The following CHRM3 variants were observed in gnomAD, a reference collection of about 807,000 sequenced individuals.
CHRM3 encodes muscarinic acetylcholine receptor M3.
A neutral mutation model predicts 41.8 loss-of-function variants in CHRM3; 11 were observed. The observed-to-expected ratio is 0.26, with a 90% CI of 0.17 to 0.44. The LOEUF (loss-of-function observed/expected upper bound fraction) is 0.44. Ranked by LOEUF, CHRM3 falls within the 20% of genes least tolerant of loss-of-function variation. The pLI is 1.00. For synonymous variants in CHRM3, 297 were observed against 301.4 expected, an observed-to-expected ratio of 0.99 and a Z score of 0.15; for missense variants, 571 against 745.4, an observed-to-expected ratio of 0.77 and a Z score of 2.72.
intron 1 of CHRM3, among the ~76,000 whole-genome samples, chr1:239,450,559 C>T (rs1039832749): frequency 2.6e-5 from 4 of 152,092 alleles, no homozygotes; most frequent in African/African-American, 9.7e-5. Context: ...ATTGGGGCTG[C>T]TTAAAATATT....
intron 1 of CHRM3, among the ~76,000 whole-genome samples, chr1:239,446,153 T>C (rs565398480): frequency 1.3e-5 from 2 of 152,316 alleles, no homozygotes; most frequent in South Asian, 2.1e-4. Context: ...GCCAGGATGG[T>C]CTTGATCTCC....
chr1:239,476,188 G>A (rs1251685357), intron 1 of CHRM3, among the ~76,000 whole-genome samples: 2 of 152,040 alleles, frequency 1.3e-5, no homozygotes, highest in Non-Finnish European at 1.5e-5. Context: ...TGGTCTGGCC[G>A]GGCACGGTGG....
intron 6 of CHRM3, among the ~76,000 whole-genome samples, chr1:239,874,658 A>G (rs187984555): frequency 0.013 from 2,046 of 151,696 alleles, 53 homozygotes; most frequent in African/African-American, 0.047. Context: ...TCAGTCTGTT[A>G]CCAGGTTGGT....
intron 5 of CHRM3, among the ~76,000 whole-genome samples, chr1:239,717,593 T>A (rs1662512496): frequency 6.6e-6 from 1 of 152,014 alleles, no homozygotes; most frequent in African/African-American, 2.4e-5. Context: ...AGCAATAACC[T>A]ATGTGGTAAA....
chr1:239,434,535 T>G (rs1053829339), intron 1 of CHRM3, among the ~76,000 whole-genome samples: 5 of 152,204 alleles, frequency 3.3e-5, no homozygotes, highest in African/African-American at 1.2e-4. Flanking sequence ...ATAACCGTGT[T>G]GGTTTCTTTA....
intron 4 of CHRM3, among the ~76,000 whole-genome samples, chr1:239,665,878 C>T (rs749919312): frequency 5.9e-5 from 9 of 152,218 alleles, no homozygotes; most frequent in Non-Finnish European, 7.4e-5. Context: ...TAGTATTACA[C>T]GGTGTATATG....
intron 3 of CHRM3, among the ~76,000 whole-genome samples, chr1:239,583,440 A>C (rs1460624234): frequency 1.3e-5 from 2 of 152,178 alleles, no homozygotes; most frequent in African/African-American, 4.8e-5. Flanking sequence ...TAGACGTGAG[A>C]GCTATAAGGC....
intron 4 of CHRM3, among the ~76,000 whole-genome samples, chr1:239,640,300 C>A (rs1015126471): frequency 7.9e-5 from 12 of 152,164 alleles, no homozygotes; most frequent in Non-Finnish European, 1.5e-4. Flanking sequence ...AGGGAGGATT[C>A]TCTCTTTTTC....
At chr1:239,470,480 C>T (rs1666038586) in intron 1 of CHRM3, among the ~76,000 whole-genome samples, 1 of 152,152 alleles carries the variant, frequency 6.6e-6, no homozygotes, top group Non-Finnish European at 1.5e-5. Context: ...ACCGTGTGGG[C>T]CTTGGATCTG....
rs1662054097 is a variant in CHRM3, at chr1:239,422,783, G to A, written c.-521+35556G>A. Among the ~76,000 whole-genome samples, 2 of 150,574 alleles carry A rather than the reference G, an allele frequency of 1.3e-5. 1 individual carries two copies. The highest frequency in any genetic ancestry group is 4.3e-4 in the South Asian group (2 of 4,696). On this transcript the variant is annotated intron_variant, in intron 1 of 6. Transcript: ENST00000676153. ...GCACTCCAGCCTGGGTGACAAGAGTGAGACTCTATCTTAAAAAAAACAAAA... is the reference window on the plus strand; with the variant it reads ...GCACTCCAGCCTGGGTGACAAGAGTAAGACTCTATCTTAAAAAAAACAAAA...
intron 3 of CHRM3, among the ~76,000 whole-genome samples, chr1:239,619,698 T>C (rs1344460161): frequency 6.6e-6 from 1 of 152,144 alleles, no homozygotes; most frequent in Non-Finnish European, 1.5e-5. Context: ...CCTTTAAAAT[T>C]GGTTTCTCGA....
At chr1:239,441,797 G>T (rs1359301983) in intron 1 of CHRM3, among the ~76,000 whole-genome samples, 1 of 152,152 alleles carries the variant, frequency 6.6e-6, no homozygotes, top group African/African-American at 2.4e-5. Context: ...AACCTGCTGT[G>T]ACCAATTTGT....
chr1:239,869,456 T>C (rs1206756563), intron 6 of CHRM3, among the ~76,000 whole-genome samples: 5 of 152,084 alleles, frequency 3.3e-5, no homozygotes, highest in East Asian at 3.9e-4. Flanking sequence ...TAGGTGGACA[T>C]TGAATTTGTT....
intron 3 of CHRM3, among the ~76,000 whole-genome samples, chr1:239,576,607 C>CAT (rs1457016006): frequency 1.3e-5 from 2 of 150,796 alleles, no homozygotes; most frequent in Non-Finnish European, 1.5e-5. Flanking sequence ...CACACACACA[C>CAT]ACACACACAC....
At chr1:239,594,086 G>T (rs1347114869) in intron 3 of CHRM3, among the ~76,000 whole-genome samples, 3 of 152,020 alleles carry the variant, frequency 2.0e-5, no homozygotes, top group African/African-American at 7.2e-5. Context: ...TATTTTGTTA[G>T]GTAGAAATTA....
At chr1:239,519,244 A>G (rs1250155951) in intron 2 of CHRM3, among the ~76,000 whole-genome samples, 1 of 152,202 alleles carries the variant, frequency 6.6e-6, no homozygotes, top group Non-Finnish European at 1.5e-5. Flanking sequence ...AAAATGTAGC[A>G]TGTTATGTAC....
At chr1:239,814,661 A>G (rs916272248) in intron 5 of CHRM3, among the ~76,000 whole-genome samples, 1 of 152,236 alleles carries the variant, frequency 6.6e-6, no homozygotes, top group Non-Finnish European at 1.5e-5. Flanking sequence ...GTCCACACAC[A>G]GAAGTCCTAT....
chr1:239,462,342 C>A (rs1357701524), intron 1 of CHRM3, among the ~76,000 whole-genome samples: 2 of 152,106 alleles, frequency 1.3e-5, no homozygotes, highest in African/African-American at 4.8e-5. Flanking sequence ...TCCACGAGAA[C>A]CAGTTTTTGT....
At chr1:239,552,486 A>G (rs1315335020) in intron 3 of CHRM3, among the ~76,000 whole-genome samples, 1 of 146,964 alleles carries the variant, frequency 6.8e-6, no homozygotes, top group Non-Finnish European at 1.5e-5. Flanking sequence ...TATATATCAT[A>G]CTTTACATAA....
Sources: allele counts gnomAD v4.1 joint callset (sites outside exome capture counted in the v4.1 genomes callset), GRCh38; gene constraint gnomAD v4.1.1; transcripts MANE v1.5; gene names NCBI Gene and HGNC (gene_info 2026-07-23, HGNC 2026-07-21).